The following MTF1 variants were observed in gnomAD, a reference collection of about 807,000 sequenced individuals.
MTF1 encodes the protein MRE-binding transcription factor.
In MTF1, 22 loss-of-function variants were observed where a neutral mutation model predicts 70.4. The observed-to-expected ratio is 0.31, with a 90% CI of 0.22 to 0.45. The LOEUF (loss-of-function observed/expected upper bound fraction) is 0.45, where lower values mean the gene tolerates loss of function less well. MTF1 is among the 20% of genes least tolerant of loss of function. MTF1 has a pLI of 1.00. For missense variants in MTF1, 649 were observed against 922.0 expected (o/e 0.70, Z 3.83); for synonymous variants, 333 against 352.8 (o/e 0.94, Z 0.63).
intron 2 of MTF1, among the ~76,000 whole-genome samples, chr1:37,853,001 T>C (rs1204569542): frequency 1.3e-5 from 2 of 152,222 alleles, no homozygotes; most frequent in Non-Finnish European, 2.9e-5. Context: ...TACGAAGTTC[T>C]CTCGTACTTC....
chr1:37,859,436 T>G, intron 1 of MTF1, 95 bp downstream of exon 1: 5 of 398,498 alleles, frequency 1.3e-5, no homozygotes, highest in Non-Finnish European at 1.3e-5. Context: ...GTGACCAAAC[T>G]GAGGTCTCTA....
Position 37,822,621 on chromosome 1 carries a change from G to C in MTF1, c.1267C>G (p.Leu423Val). The C allele has an allele frequency of 1.2e-6, 2 of 1,613,980 alleles. No homozygotes were observed. The highest frequency in any genetic ancestry group is 1.7e-6 in the Non-Finnish European group (2 of 1,180,016). The change falls in exon 9 of 11, where the codon CTG becomes GTG. Residue 423 changes from leucine to valine, a missense_variant. Leu to Val is a conservative substitution (Grantham distance 32). Transcript: ENST00000373036. ...GGTGGCTCGGAGAGGCCAGGTTGCA[G>C]TACAAGTGGAAGAGATAAAGATGCT... ...NSASLSLPLV[L>V]QPGLSEPPQP...
At position 37,813,654 on chromosome 1, in the gene MTF1, G is replaced by A. The variant is rs1282412117; in HGVS notation, c.*1482C>T. 1.3e-5 allele frequency: 2 copies of A among 152,274 alleles called. No homozygotes were observed. The highest frequency in any genetic ancestry group is 2.9e-5 in the Non-Finnish European group (2 of 68,062). The allele number at this position is 152,274 out of a possible 1,614,324, so 9.4% of individuals were successfully genotyped here. On this transcript the variant is annotated 3_prime_UTR_variant, in exon 11 of 11. Coordinates refer to ENST00000373036, the MANE Select transcript of MTF1 (RefSeq NM_005955.3). ...CACTCCTTGCTCAGGGCAAGGAAAG[G>A]GCTCTTGGGAGGCAGAGGCCTATTC... is the stretch of plus-strand genomic sequence containing the variant.
intron 5 of MTF1, 49 bp from the exon 6 acceptor site, chr1:37,835,264 G>A: frequency 6.5e-7 from 1 of 1,537,730 alleles, no homozygotes; most frequent in African/African-American, 1.4e-5. Context: ...TCATTTCACT[G>A]GATTAAGAAA....
Position 37,835,709 on chromosome 1 carries a change from G to C in MTF1, c.815C>G (p.Ala272Gly). 1.2e-6 allele frequency: 2 copies of C among 1,614,098 alleles called. No individual in the cohort carries two copies. Among genetic ancestry groups the C allele is most frequent in the South Asian group, 2.2e-5 (2 of 91,072 alleles). The change falls in exon 5 of 11, where the codon GCA (alanine) becomes GGA (glycine). Residue 272 changes from alanine (A) to glycine (G), a missense_variant. Physicochemically the swap from Ala to Gly is moderately conservative, Grantham distance 60. Around this residue, in one of 7 missense-constraint regions of MTF1, gnomAD observed 118 missense variants for 287.2 expected, o/e 0.41. Coordinates refer to ENST00000373036, the MANE Select transcript of MTF1 (RefSeq NM_005955.3). ...AACGTGAGTTTTAAGGTGGTGGCTT[G>C]CTGCAAATGCTTTTCCACAGCCATC... is the stretch of plus-strand genomic sequence containing the variant. ...DHDGCGKAFAASHHLKTHVRT... is the reference protein window; with the variant it reads ...DHDGCGKAFAGSHHLKTHVRT...
rs1225084810 is a variant in MTF1, at chr1:37,857,450, T to C, written c.209A>G (p.His70Arg). The change falls in exon 2 of 11, where the codon CAC becomes CGC. Residue 70 changes from histidine (H) to arginine (R), a missense_variant. By Grantham distance (29) the His-to-Arg change is conservative. This residue lies in a region of MTF1 where 44 missense variants were observed against 38.1 expected (regional missense o/e 1.15). Transcript: ENST00000373036. ...TTCACCCCCTACTAGAAAAGGCAAG[T>C]GTTCTCCGCACTGTCCGTCGTCATC... ...DEDDDGQCGE[H>R]LPFLVGGEEG... 1 of 1,614,194 alleles carries C rather than the reference T, an allele frequency of 6.2e-7. No individual in the cohort carries two copies. Among genetic ancestry groups the C allele is most frequent in the Non-Finnish European group, 8.5e-7 (1 of 1,180,040 alleles).
intron 9 of MTF1, among the ~76,000 whole-genome samples, chr1:37,820,256 A>T (rs1640891056): frequency 6.6e-6 from 1 of 152,120 alleles, no homozygotes; most frequent in Non-Finnish European, 1.5e-5. Flanking sequence ...GCATACATCC[A>T]CCTCTAGGTT....
chr1:37,822,507 G>A lies in MTF1; in HGVS notation c.1381C>T (p.Pro461Ser). ...TCTGGAGGTTGTAAGAGAGCAGGGGGGTTGCCAAATGCAGCTTGCTGGGAG... is the reference window on the plus strand; with the variant it reads ...TCTGGAGGTTGTAAGAGAGCAGGGGAGTTGCCAAATGCAGCTTGCTGGGAG... Reference protein sequence around the residue: ...PGSQQAAFGNPPALLQPPEVP... With the variant: ...PGSQQAAFGNSPALLQPPEVP... The change falls in exon 9 of 11, where the codon CCC becomes TCC. Residue 461 changes from proline (P) to serine (S), a missense_variant. Physicochemically the swap from Pro to Ser is moderately conservative, Grantham distance 74. Coordinates refer to ENST00000373036, the MANE Select transcript of MTF1 (RefSeq NM_005955.3). The A allele has an allele frequency of 6.2e-7, 1 of 1,614,144 alleles. No individual in the cohort carries two copies. The highest frequency in any genetic ancestry group is 8.5e-7 in the Non-Finnish European group (1 of 1,180,026).
chr1:37,857,397 CT>C lies in MTF1; in HGVS notation c.261del (p.Ala88GlnfsTer18). The C allele has an allele frequency of 6.2e-7, 1 of 1,614,200 alleles. No individual in the cohort carries two copies. The highest frequency in any genetic ancestry group is 8.5e-7 in the Non-Finnish European group (1 of 1,180,048). ...GEEGFHLIDH[E>X]AMSQGYVQHI... ...TGCTGCACATAACCCTGGGACATTG[CT>C]TCATGATCTATCAGGTGAAAGCCCT... On this transcript the variant is annotated frameshift_variant, in exon 2 of 11. Transcript: ENST00000373036. LOFTEE classifies it high-confidence loss of function.
intron 6 of MTF1, chr1:37,834,743 G>A: frequency 2.0e-6 from 1 of 490,764 alleles, no homozygotes; most frequent in Non-Finnish European, 4.0e-6. Flanking sequence ...GGCAGACTTT[G>A]CTGGCGGATG....
chr1:37,857,080 A>AC (rs2148425229), intron 2 of MTF1, among the ~76,000 whole-genome samples, 171 bp downstream of exon 2: 1 of 152,346 alleles, frequency 6.6e-6, no homozygotes, highest in African/African-American at 2.4e-5. Flanking sequence ...TATACAAACC[A>AC]AAAGTTCCAG....
At chr1:37,828,430 G>A (rs935480076) in intron 7 of MTF1, among the ~76,000 whole-genome samples, 1 of 152,112 alleles carries the variant, frequency 6.6e-6, no homozygotes, top group African/African-American at 2.4e-5. Context: ...TCAGCTTCCC[G>A]AGTAGCTAGG....
intron 9 of MTF1, among the ~76,000 whole-genome samples, chr1:37,821,108 G>A (rs192700837): frequency 7.9e-5 from 12 of 152,078 alleles, no homozygotes; most frequent in Admixed American, 2.0e-4. Flanking sequence ...CTCAAGAGGT[G>A]GAGGTTGTAG....
chr1:37,822,264 A>G lies in MTF1; in HGVS notation c.1624T>C (p.Ser542Pro). ...ATTGTGGGATTATTAGTTAGGACAG[A>G]GTTGGCACCCAGGGGCAGAGTCTGG... The part of the protein sequence containing the change: ...MVQTLPLGAN[S>P]VLTNNPTITI... The change falls in exon 9 of 11, where the codon TCT becomes CCT. Residue 542 changes from serine (S) to proline (P), a missense_variant. By Grantham distance (74) the Ser-to-Pro change is moderately conservative (BLOSUM62 -1). Transcript: ENST00000373036. 1 of 1,614,142 alleles carries G rather than the reference A, an allele frequency of 6.2e-7. No homozygotes were observed. The highest frequency in any genetic ancestry group is 8.5e-7 in the Non-Finnish European group (1 of 1,180,022).
chr1:37,830,391 T>G (rs897284340), intron 7 of MTF1, among the ~76,000 whole-genome samples: 5 of 152,238 alleles, frequency 3.3e-5, no homozygotes, highest in Non-Finnish European at 7.3e-5. Flanking sequence ...AGATTTCCAT[T>G]TGGTACACTT....
At position 37,815,290 on chromosome 1, in the gene MTF1, GTC is replaced by G; in HGVS notation, c.2106_2107del (p.Glu702AspfsTer34). 1 of 1,614,130 alleles carries G rather than the reference GTC, an allele frequency of 6.2e-7. No homozygotes were observed. Among genetic ancestry groups the G allele is most frequent in the East Asian group, 2.2e-5 (1 of 44,868 alleles). On this transcript the variant is annotated frameshift_variant, in exon 11 of 11. Transcript: ENST00000373036. LOFTEE classifies it high-confidence loss of function. This position sits in a 1 kb window ranked among gnomAD's most constrained non-coding sequence, Gnocchi z 4.5. ...TGTTTCTGTCTGAGGGTCTGAAGGA[GTC>G]TCTGCTTGTCGGCTTTGCTCACAGG...
At chr1:37,816,584 A>G (rs1045003553) in intron 10 of MTF1, among the ~76,000 whole-genome samples, 1 of 151,236 alleles carries the variant, frequency 6.6e-6, no homozygotes, top group African/African-American at 2.4e-5. Flanking sequence ...CTGAGACATG[A>G]GAATCACTTG....
At position 37,822,637 on chromosome 1, in the gene MTF1, T is replaced by G. The variant is rs1366179494; in HGVS notation, c.1251A>C (p.Leu417Phe). Residue 417 changes from leucine (L) to phenylalanine (F), a missense_variant, in exon 9 of 11, where the codon TTA (leucine) becomes TTC (phenylalanine). Leu to Phe is a conservative substitution (Grantham distance 22, BLOSUM62 0). Coordinates refer to ENST00000373036, the MANE Select transcript of MTF1 (RefSeq NM_005955.3). The part of the protein sequence containing the change: ...VPPSTGNSAS[L>F]SLPLVLQPGL... ...CAGGTTGCAGTACAAGTGGAAGAGA[T>G]AAAGATGCTGAATTTCCTGTGGATG... 1.1e-5 allele frequency: 18 copies of G among 1,613,722 alleles called. No homozygotes were observed. Among genetic ancestry groups the G allele is most frequent in the Non-Finnish European group, 1.4e-5 (17 of 1,180,014 alleles).
intron 4 of MTF1, among the ~76,000 whole-genome samples, chr1:37,836,052 G>A (rs558077201): frequency 3.9e-5 from 6 of 151,988 alleles, no homozygotes; most frequent in Admixed American, 1.3e-4. Context: ...CGCCCGCCTC[G>A]GCCTCCCAAG....
Sources: allele counts gnomAD v4.1 joint callset (sites outside exome capture counted in the v4.1 genomes callset), GRCh38; gene constraint gnomAD v4.1.1; regional missense constraint gnomAD v4.1.1; non-coding constraint Gnocchi (gnomAD v3.1); transcripts MANE v1.5; gene names NCBI Gene and HGNC (gene_info 2026-07-23, HGNC 2026-07-21).